PCBP3: variants seen among roughly 807,000 people sequenced by gnomAD.
The protein encoded by PCBP3 is poly(rC) binding protein 3.
Under a neutral mutation model 52.7 loss-of-function variants are expected in PCBP3, and 25 were observed. That is an observed-to-expected ratio of 0.47 (90% CI 0.35 to 0.66). PCBP3 has a LOEUF of 0.66. Among genes scored for constraint, PCBP3 ranks in the 30% least tolerant of loss-of-function variants. The pLI is 0.01. For synonymous variants in PCBP3, 162 were observed against 183.0 expected (o/e 0.89, Z 0.93); for missense variants, 391 against 490.3 (o/e 0.80, Z 1.91).
chr21:45,814,367 AGTGAGTGGTGG>A (rs1360228776), intron 4 of PCBP3, among the ~76,000 whole-genome samples: 1 of 134,520 alleles, frequency 7.4e-6, no homozygotes, highest in Non-Finnish European at 1.6e-5. Flanking sequence ...AATAGTGAGT[AGTGAGTGGTGG>A]GTGAGTGGTG....
In PCBP3 at chr21:45,791,664, A is replaced by G. The variant is rs2091586966; in HGVS notation, c.-126+36212A>G. ...CATAAGTTAATTTCTGTCGAAGTAG[A>G]ATACAACTAAGAAAAAATTTTAAAA... On this transcript the variant is annotated intron_variant, in intron 4 of 17. Coordinates refer to ENST00000681687, the MANE Select transcript of PCBP3 (RefSeq NM_001384156.1). The surrounding 1 kb of genome is among the most constrained non-coding windows in gnomAD (Gnocchi z 4.2). Among the ~76,000 whole-genome samples, 1 of 152,322 alleles carries G rather than the reference A, an allele frequency of 6.6e-6. No individual in the cohort carries two copies. Among genetic ancestry groups the G allele is most frequent in the South Asian group, 2.1e-4 (1 of 4,822 alleles).
intron 4 of PCBP3, among the ~76,000 whole-genome samples, chr21:45,767,471 C>T (rs2089454122): frequency 6.6e-6 from 1 of 152,198 alleles, no homozygotes; most frequent in South Asian, 2.1e-4. Context: ...TGCTCTTCGG[C>T]TATTGTGAAT....
intron 4 of PCBP3, among the ~76,000 whole-genome samples, chr21:45,773,557 G>A (rs1470789886): frequency 3.3e-5 from 5 of 152,122 alleles, no homozygotes; most frequent in Admixed American, 3.3e-4. Context: ...AAGCTTTGTG[G>A]TTTTATTTCT....
chr21:45,776,041 C>A (rs2090228621), intron 4 of PCBP3, among the ~76,000 whole-genome samples: 1 of 152,052 alleles, frequency 6.6e-6, no homozygotes, highest in South Asian at 2.1e-4. Context: ...GTGTTATTTT[C>A]ATTTGTTTCA....
intron 13 of PCBP3, among the ~76,000 whole-genome samples, chr21:45,922,397 A>T (rs1485510414): frequency 5.3e-5 from 8 of 152,096 alleles, no homozygotes; most frequent in Admixed American, 3.9e-4. Context: ...CTACAAAAAA[A>T]TACAGAAATT....
intron 5 of PCBP3, among the ~76,000 whole-genome samples, chr21:45,895,762 T>C (rs2095808053): frequency 6.6e-6 from 1 of 152,214 alleles, no homozygotes; most frequent in South Asian, 2.1e-4. Flanking sequence ...AAGGGCCGGC[T>C]CCCACACCCT....
chr21:45,899,951 G>C (rs548293545), intron 7 of PCBP3, among the ~76,000 whole-genome samples: 6 of 152,158 alleles, frequency 3.9e-5, no homozygotes, highest in African/African-American at 4.8e-5. Flanking sequence ...TCAGCCGGCT[G>C]TGTAGTCTGG....
intron 2 of PCBP3, among the ~76,000 whole-genome samples, chr21:45,711,415 C>T (rs973893882): frequency 6.6e-6 from 1 of 152,166 alleles, no homozygotes; most frequent in African/African-American, 2.4e-5. Context: ...GAATCCATTG[C>T]CACACGGATT....
At chr21:45,753,610 A>T (rs2146386562) in intron 3 of PCBP3, among the ~76,000 whole-genome samples, 1 of 152,152 alleles carries the variant, frequency 6.6e-6, no homozygotes, top group East Asian at 1.9e-4. Flanking sequence ...ATTTAGCTCA[A>T]CTTTCTTATT....
chr21:45,646,921 G>T (rs902860977), intron 1 of PCBP3, among the ~76,000 whole-genome samples: 129 of 152,158 alleles, frequency 8.5e-4, no homozygotes, highest in Non-Finnish European at 2.9e-4. Context: ...TGGTTGCCAG[G>T]CATTCCTGTT....
At chr21:45,692,232 C>CA (rs1466786652) in intron 2 of PCBP3, among the ~76,000 whole-genome samples, 1 of 151,466 alleles carries the variant, frequency 6.6e-6, no homozygotes, top group African/African-American at 2.4e-5. Context: ...GGTTGTAACT[C>CA]AAAAAACTAG....
chr21:45,814,507 G>A (rs111213135), intron 4 of PCBP3, among the ~76,000 whole-genome samples: 18 of 28,184 alleles, frequency 6.4e-4, no homozygotes, highest in African/African-American at 1.7e-3. Flanking sequence ...GTGGTGAGTG[G>A]TGAGTGATGA....
chr21:45,870,498 T>C (rs1603459571), intron 5 of PCBP3, among the ~76,000 whole-genome samples: 3 of 152,236 alleles, frequency 2.0e-5, no homozygotes, highest in African/African-American at 7.2e-5. Context: ...CGTCTCCTGC[T>C]TCCCTCCTCC....
intron 5 of PCBP3, chr21:45,873,219 C>T (rs144725099): frequency 2.5e-4 from 38 of 152,348 alleles, no homozygotes; most frequent in African/African-American, 6.7e-4. Context: ...CTTTGGATCA[C>T]GGATTGGCCA....
rs866037515 is a variant in PCBP3, at chr21:45,942,035, C to T, written c.*329C>T. The T allele has an allele frequency of 2.1e-5, 6 of 280,260 alleles. No homozygotes were observed. Among genetic ancestry groups the T allele is most frequent in the African/African-American group, 6.5e-5 (3 of 45,802 alleles). The allele number at this position is 280,260 out of a possible 1,614,324, so 17.4% of individuals were successfully genotyped here. ...CTGTCTGTCTTAGGAGCTGGGTCGG[C>T]GTTCCGACAGCACTTCCTGTCCGCC... On this transcript the variant is annotated 3_prime_UTR_variant, in exon 18 of 18. Coordinates refer to ENST00000681687, the MANE Select transcript of PCBP3 (RefSeq NM_001384156.1).
chr21:45,796,948 C>T (rs978239319), intron 4 of PCBP3, among the ~76,000 whole-genome samples: 12 of 152,282 alleles, frequency 7.9e-5, no homozygotes, highest in Admixed American at 2.6e-4. Context: ...AGTTTAAATA[C>T]GAGGGCTTAA....
chr21:45,727,700 C>G (rs1177523955), intron 2 of PCBP3, among the ~76,000 whole-genome samples: 1 of 152,036 alleles, frequency 6.6e-6, no homozygotes, highest in African/African-American at 2.4e-5. Context: ...GGAGTGGCCC[C>G]ATGTGAGAGG....
chr21:45,920,122 A>G (rs1367262396), intron 13 of PCBP3, among the ~76,000 whole-genome samples: 1 of 152,170 alleles, frequency 6.6e-6, no homozygotes, highest in African/African-American at 2.4e-5. Context: ...GGTAAAGGGA[A>G]GGTTAGTCGA....
Position 45,735,925 on chromosome 21 carries a change from C to T in PCBP3, c.-162+496C>T, listed in dbSNP as rs1426382949. Among the ~76,000 whole-genome samples, 1 of 152,242 alleles carries T rather than the reference C, an allele frequency of 6.6e-6. No individual in the cohort carries two copies. Among genetic ancestry groups the T allele is most frequent in the African/African-American group, 2.4e-5 (1 of 41,460 alleles). On this transcript the variant is annotated intron_variant, in intron 3 of 17. Transcript: ENST00000681687. This position sits in a 1 kb window ranked among gnomAD's most constrained non-coding sequence, Gnocchi z 4.0. ...TGACATCTGTGGAAAGGACCTGGCACCGGCCAGCACACAGAGGCACTCACC... is the reference window on the plus strand; with the variant it reads ...TGACATCTGTGGAAAGGACCTGGCATCGGCCAGCACACAGAGGCACTCACC...
Sources: allele counts gnomAD v4.1 joint callset (sites outside exome capture counted in the v4.1 genomes callset), GRCh38; gene constraint gnomAD v4.1.1; non-coding constraint Gnocchi (gnomAD v3.1); transcripts MANE v1.5; gene names NCBI Gene and HGNC (gene_info 2026-07-23, HGNC 2026-07-21).